PTPN20: variants seen among roughly 807,000 people sequenced by gnomAD.
PTPN20 encodes tyrosine-protein phosphatase non-receptor type 20.
PTPN20 carries 9 observed loss-of-function variants against 35.0 expected under a neutral mutation model. The observed-to-expected ratio is 0.26, with a 90% CI of 0.15 to 0.45. The LOEUF (loss-of-function observed/expected upper bound fraction) is 0.45. Ranked by LOEUF, PTPN20 falls within the 20% of genes least tolerant of loss-of-function variation. PTPN20 has a pLI of 1.00. For missense variants in PTPN20, 111 were observed against 312.5 expected, an observed-to-expected ratio of 0.36 and a Z score of 4.86; for synonymous variants, 32 against 100.2, an observed-to-expected ratio of 0.32 and a Z score of 4.06.
intron 9 of PTPN20, among the ~76,000 whole-genome samples, chr10:46,993,704 T>A (rs1166093045): frequency 6.6e-6 from 1 of 152,240 alleles, no homozygotes; most frequent in East Asian, 1.9e-4. Flanking sequence ...ACATTTCAAC[T>A]GCTTATTATC....
At chr10:46,953,351 C>CTTTCT (rs1555148662) in intron 5 of PTPN20, among the ~76,000 whole-genome samples, 1 of 125,548 alleles carries the variant, frequency 8.0e-6, no homozygotes, top group Non-Finnish European at 1.6e-5. Context: ...TTCTTTCTTT[C>CTTTCT]TTTCTTTCTT....
intron 7 of PTPN20, among the ~76,000 whole-genome samples, chr10:46,972,103 TA>T (rs1277529514): frequency 6.8e-4 from 64 of 94,610 alleles, no homozygotes; most frequent in African/African-American, 1.8e-3. Context: ...TTCATCAAAT[TA>T]AAAAAAAAAC....
At chr10:46,968,722 T>G in intron 7 of PTPN20, among the ~76,000 whole-genome samples, 1 of 150,978 alleles carries the variant, frequency 6.6e-6, no homozygotes, top group Non-Finnish European at 1.5e-5. Context: ...ACTATTTTAC[T>G]TCCTCCAACT....
intron 1 of PTPN20, among the ~76,000 whole-genome samples, chr10:46,920,575 TCC>T: frequency 6.9e-6 from 1 of 145,536 alleles, no homozygotes; most frequent in Middle Eastern, 3.5e-3. Flanking sequence ...GGGATGAAGC[TCC>T]CCAGAGTTTC....
intron 2 of PTPN20, among the ~76,000 whole-genome samples, chr10:46,937,796 A>C (rs1488403765): frequency 1.1e-4 from 16 of 151,926 alleles, no homozygotes; most frequent in African/African-American, 3.9e-4. Context: ...ATTTCTAAGT[A>C]CATTTCTATT....
At chr10:46,975,811 G>C (rs1471446928) in intron 7 of PTPN20, among the ~76,000 whole-genome samples, 2 of 151,686 alleles carry the variant, frequency 1.3e-5, no homozygotes, top group Non-Finnish European at 2.9e-5. Flanking sequence ...ACAGGCATGT[G>C]CCACCACACC....
At chr10:46,953,245 T>C (rs1395775059) in intron 5 of PTPN20, among the ~76,000 whole-genome samples, 2 of 145,124 alleles carry the variant, frequency 1.4e-5, no homozygotes, top group Non-Finnish European at 3.0e-5. Context: ...TTTAAATATA[T>C]TTTTTGGAAT....
At chr10:46,949,427 C>T (rs1413123804) in intron 5 of PTPN20, among the ~76,000 whole-genome samples, 129 of 152,318 alleles carry the variant, frequency 8.5e-4, no homozygotes, top group African/African-American at 2.9e-3. Context: ...CTCCCTTGAA[C>T]TGCCACAGGG....
At chr10:46,993,499 A>G (rs946730) in intron 9 of PTPN20, among the ~76,000 whole-genome samples, 18,521 of 152,170 alleles carry the variant, frequency 0.12, 1,820 homozygotes, top group African/African-American at 0.28. Flanking sequence ...GTGGGTGTAT[A>G]GCTGATGTGG....
chr10:46,947,212 G>GTATATATATA (rs1163672605), intron 5 of PTPN20, among the ~76,000 whole-genome samples: 35 of 129,450 alleles, frequency 2.7e-4, no homozygotes, highest in East Asian at 5.4e-4. Flanking sequence ...ATGTGTATGT[G>GTATATATATA]TATATATATA....
chr10:46,953,697 T>C (rs1461468083), intron 5 of PTPN20, among the ~76,000 whole-genome samples: 2 of 141,856 alleles, frequency 1.4e-5, no homozygotes, highest in South Asian at 4.4e-4. Flanking sequence ...CCTGTTGATA[T>C]ACCGTGAGTT....
At chr10:46,976,246 ATTC>A (rs1373019832) in intron 7 of PTPN20, among the ~76,000 whole-genome samples, 2 of 113,494 alleles carry the variant, frequency 1.8e-5, no homozygotes, top group African/African-American at 6.6e-5. Context: ...GGCTCTCGTC[ATTC>A]TTCTTATAGA....
chr10:46,957,094 TTTA>T (rs1393808812), intron 5 of PTPN20, among the ~76,000 whole-genome samples: 2 of 122,296 alleles, frequency 1.6e-5, no homozygotes, highest in Admixed American at 1.8e-4. Context: ...CTTTACTGAA[TTTA>T]TTTTTTTTAA....
intron 5 of PTPN20, among the ~76,000 whole-genome samples, chr10:46,953,574 A>G (rs1207281896): frequency 8.6e-4 from 119 of 138,508 alleles, no homozygotes; most frequent in Non-Finnish European, 1.6e-3. Flanking sequence ...TATCAGATTA[A>G]GGGAGCCTTC....
At chr10:46,994,823 C>T (rs1340181164) in intron 9 of PTPN20, among the ~76,000 whole-genome samples, 7 of 151,818 alleles carry the variant, frequency 4.6e-5, no homozygotes, top group Non-Finnish European at 1.0e-4. Flanking sequence ...ATTCTTTTTC[C>T]ACCTATGACT....
chr10:46,937,218 T>C (rs1336093000), intron 2 of PTPN20, among the ~76,000 whole-genome samples: 9 of 147,730 alleles, frequency 6.1e-5, no homozygotes, highest in Non-Finnish European at 1.2e-4. Context: ...TGTCTCACCA[T>C]TATCTTCTAG....
chr10:46,997,365 GTT>G (rs1179109046), intron 9 of PTPN20, among the ~76,000 whole-genome samples: 2 of 141,382 alleles, frequency 1.4e-5, no homozygotes, highest in Admixed American at 7.1e-5. Flanking sequence ...GGTTTTGTAG[GTT>G]TTTTTTTTTT....
rs1244377671 is a variant in PTPN20, at chr10:47,001,891, A to G, written c.*1150A>G. 6.6e-6 allele frequency: 1 copy of G among 152,150 alleles called. No individual in the cohort carries two copies. Among genetic ancestry groups the G allele is most frequent in the African/African-American group, 2.4e-5 (1 of 41,454 alleles). The allele number at this position is 152,150 out of a possible 1,614,324, so 9.4% of individuals were successfully genotyped here. ...ATATTTTGGACAAGGAGTTCTGGTG[A>G]CAAGCTATACCTAATTATAAGCTAT... On this transcript the variant is annotated 3_prime_UTR_variant, in exon 11 of 11. Transcript: ENST00000374339.
At chr10:46,929,440 C>A (rs1329003130) in intron 1 of PTPN20, among the ~76,000 whole-genome samples, 2 of 151,712 alleles carry the variant, frequency 1.3e-5, no homozygotes, top group East Asian at 3.9e-4. Flanking sequence ...CCCTCAATAT[C>A]TTTCACAATC....
Sources: allele counts gnomAD v4.1 joint callset (sites outside exome capture counted in the v4.1 genomes callset), GRCh38; gene constraint gnomAD v4.1.1; transcripts MANE v1.5; gene names NCBI Gene and HGNC (gene_info 2026-07-23, HGNC 2026-07-21).